The following VRK1 variants were observed in gnomAD, a reference collection of about 807,000 sequenced individuals.
VRK1 encodes the protein serine/threonine-protein kinase VRK1.
A neutral mutation model predicts 57.1 loss-of-function variants in VRK1; 33 were observed. The observed-to-expected ratio is 0.58, with a 90% CI of 0.44 to 0.77. The LOEUF (loss-of-function observed/expected upper bound fraction) is 0.77, where lower values mean the gene tolerates loss of function less well. Ranked by LOEUF, VRK1 falls within the 30% of genes least tolerant of loss-of-function variation. VRK1 has a pLI of 0.00. For synonymous variants in VRK1, 137 were observed against 147.8 expected (o/e 0.93, Z 0.53); for missense variants, 413 against 477.3 (o/e 0.87, Z 1.25).
chr14:96,856,003 GT>G (rs1888138735), intron 8 of VRK1, 126 bp from the exon 9 acceptor site: 1 of 1,172,350 alleles, frequency 8.5e-7, no homozygotes, highest in African/African-American at 1.5e-5. Context: ...GTGAAATGCA[GT>G]CAAAATTTTA....
intron 3 of VRK1, 135 bp from the exon 4 acceptor site, chr14:96,845,960 T>A: frequency 1.3e-6 from 1 of 790,602 alleles, no homozygotes. Context: ...GACTTAATCT[T>A]AACACAGTTA....
At chr14:96,867,373 A>G (rs1022930785) in intron 11 of VRK1, among the ~76,000 whole-genome samples, 1 of 150,956 alleles carries the variant, frequency 6.6e-6, no homozygotes, top group Non-Finnish European at 1.5e-5. Flanking sequence ...TTTGTTTTTT[A>G]CTAGATTTCT....
chr14:96,811,265 G>C (rs1469801645), intron 1 of VRK1, among the ~76,000 whole-genome samples: 1 of 152,142 alleles, frequency 6.6e-6, no homozygotes, highest in African/African-American at 2.4e-5. Context: ...CCCTTGCCAG[G>C]AGCTCATCAT....
intron 10 of VRK1, among the ~76,000 whole-genome samples, chr14:96,859,287 G>T (rs1042835153): frequency 2.0e-5 from 3 of 152,020 alleles, no homozygotes; most frequent in Admixed American, 2.0e-4. Flanking sequence ...GATTCTGTAG[G>T]ATTTTCCACA....
At chr14:96,877,285 T>C (rs1214278440) in intron 12 of VRK1, 6 of 276,850 alleles carry the variant, frequency 2.2e-5, no homozygotes, top group Non-Finnish European at 4.4e-5. Flanking sequence ...TGCCCTGATT[T>C]TATTACTATG....
At chr14:96,881,057 C>T in intron 12 of VRK1, 120 bp from the exon 13 acceptor site, 12 of 899,258 alleles carry the variant, frequency 1.3e-5, no homozygotes, top group Non-Finnish European at 2.0e-5. Context: ...CTTTGCAAAT[C>T]ACGAGAGTCG....
chr14:96,840,887 A>G (rs4905552), intron 3 of VRK1, among the ~76,000 whole-genome samples: 94,184 of 149,910 alleles, frequency 0.63, 30,287 homozygotes, highest in African/African-American at 0.69. Context: ...ACAGTGTCTC[A>G]TCCTGTTGCC....
chr14:96,800,257 G>A (rs1269372482), intron 1 of VRK1, among the ~76,000 whole-genome samples: 5 of 152,206 alleles, frequency 3.3e-5, no homozygotes, highest in African/African-American at 1.2e-4. Context: ...GTGCTTGAAT[G>A]ATATTTAAGC....
rs2030667286 is a variant in VRK1, at chr14:96,847,241, CTGTTTTAATTTGTAGTTCAGAAATGGA to C, written c.287-14_299del. The C allele has an allele frequency of 6.2e-7, 1 of 1,604,758 alleles. No homozygotes were observed. Among genetic ancestry groups the C allele is most frequent in the African/African-American group, 1.3e-5 (1 of 74,678 alleles). On this transcript the variant is annotated splice_acceptor_variant and splice_polypyrimidine_tract_variant and coding_sequence_variant and intron_variant, in exon 5 of 13. Transcript: ENST00000216639. LOFTEE classifies it high-confidence loss of function. ...GTATAACAATTGAAATCACAAAGAT[CTGTTTTAATTTGTAGTTCAGAAATGGA>C]TTCGTACCCGTAAGCTGAAGTACCT...
At chr14:96,856,363 A>G in intron 9 of VRK1, 113 bp downstream of exon 9, 2 of 1,424,708 alleles carry the variant, frequency 1.4e-6, no homozygotes, top group African/African-American at 2.9e-5. Context: ...GAAATAAGAA[A>G]GTACTTGTTA....
intron 1 of VRK1, among the ~76,000 whole-genome samples, chr14:96,803,838 T>A (rs1885765120): frequency 6.6e-6 from 1 of 152,232 alleles, no homozygotes; most frequent in African/African-American, 2.4e-5. Context: ...TTTTTGGTGA[T>A]TTGTCTGTTC....
intron 5 of VRK1, among the ~76,000 whole-genome samples, chr14:96,850,984 A>G (rs572114496): frequency 6.6e-6 from 1 of 152,284 alleles, no homozygotes; most frequent in South Asian, 2.1e-4. Context: ...CTATTTAGTA[A>G]AAGCCAACAT....
At chr14:96,824,640 T>G (rs866774769) in intron 1 of VRK1, among the ~76,000 whole-genome samples, 4 of 151,446 alleles carry the variant, frequency 2.6e-5, no homozygotes, top group Non-Finnish European at 5.9e-5. Context: ...ATAGCAGAGA[T>G]AGCAGAGGGG....
chr14:96,872,419 C>T (rs978628758), intron 11 of VRK1, among the ~76,000 whole-genome samples: 1 of 152,118 alleles, frequency 6.6e-6, no homozygotes, highest in East Asian at 1.9e-4. Flanking sequence ...AAACCATAGT[C>T]CTTGCCCTCA....
At chr14:96,832,051 TG>T (rs1450600519) in intron 1 of VRK1, among the ~76,000 whole-genome samples, 1 of 152,204 alleles carries the variant, frequency 6.6e-6, no homozygotes, top group Non-Finnish European at 1.5e-5. Context: ...ATTTTGAAGA[TG>T]TTTTTGTTAA....
chr14:96,877,718 C>T lies in VRK1; in HGVS notation c.1159+1598C>T, dbSNP rs1329917539. On this transcript the variant is annotated intron_variant, in intron 12 of 12. Coordinates refer to ENST00000216639, the MANE Select transcript of VRK1 (RefSeq NM_003384.3). ...AGATTGACACTCATTAAGTCTAAGG[C>T]AGAGTCTCAGCTGCGCATCAGGAAG... 10 of 1,191,644 alleles carry T rather than the reference C, an allele frequency of 8.4e-6. No homozygotes were observed. In the Admixed American group the frequency reaches 2.0e-4, roughly 24 times the overall value. The allele number at this position is 1,191,644 out of a possible 1,614,324, so 73.8% of individuals were successfully genotyped here. A position where few individuals can be genotyped will look rare whatever the true frequency, so the allele number is the denominator to read the frequency against.
At chr14:96,879,213 G>T (rs1889156511) in intron 12 of VRK1, among the ~76,000 whole-genome samples, 2 of 145,010 alleles carry the variant, frequency 1.4e-5, no homozygotes, top group South Asian at 2.3e-4. Flanking sequence ...TTATGAAAAT[G>T]GTTATATATT....
At chr14:96,805,368 G>A (rs149983718) in intron 1 of VRK1, among the ~76,000 whole-genome samples, 20 of 152,318 alleles carry the variant, frequency 1.3e-4, no homozygotes, top group African/African-American at 4.8e-4. Context: ...GGAACATTTT[G>A]CTTGTAGTCA....
chr14:96,858,880 A>G (rs569900220), intron 10 of VRK1: 2 of 152,100 alleles, frequency 1.3e-5, no homozygotes, highest in Non-Finnish European at 2.9e-5. Context: ...TTGCATTTCT[A>G]TTTAAATTTT....
Sources: gnomAD v4.1 joint callset for allele counts (sites outside exome capture counted in the v4.1 genomes callset) on GRCh38, gnomAD v4.1.1 for gene constraint, MANE v1.5 for transcripts, NCBI Gene and HGNC (gene_info 2026-07-23, HGNC 2026-07-21) for gene names.